LUZP2: variants seen among roughly 807,000 people sequenced by gnomAD.
LUZP2 encodes leucine zipper protein 2.
LUZP2 carries 52 observed loss-of-function variants against 51.6 expected under a neutral mutation model. The observed-to-expected ratio is 1.01, with a 90% CI of 0.81 to 1.27. The LOEUF (loss-of-function observed/expected upper bound fraction) is 1.27, where lower values mean the gene tolerates loss of function less well. Among genes scored for constraint, LUZP2 ranks in the 50% most tolerant of loss-of-function variants. LUZP2 has a pLI of 0.00. For missense variants in LUZP2, 436 were observed against 395.4 expected (o/e 1.10, Z -0.87); for synonymous variants, 154 against 137.3 (o/e 1.12, Z -0.85).
intron 1 of LUZP2, among the ~76,000 whole-genome samples, chr11:24,501,181 A>G (rs1325000553): frequency 6.6e-6 from 1 of 152,146 alleles, no homozygotes. Flanking sequence ...TGTAAATGAG[A>G]TAGAGGTATG....
chr11:25,005,850 G>C (rs147787087), intron 9 of LUZP2, among the ~76,000 whole-genome samples: 1 of 151,978 alleles, frequency 6.6e-6, no homozygotes, highest in East Asian at 1.9e-4. Flanking sequence ...GGCCCTTACC[G>C]ACACATTCTC....
chr11:24,996,522 C>A (rs1159366740), intron 9 of LUZP2, among the ~76,000 whole-genome samples: 1 of 151,732 alleles, frequency 6.6e-6, no homozygotes, highest in African/African-American at 2.4e-5. Context: ...TGTGCAACTT[C>A]TAAGAATTCT....
intron 5 of LUZP2, among the ~76,000 whole-genome samples, chr11:24,813,453 G>C (rs538912364): frequency 1.6e-4 from 25 of 152,278 alleles, no homozygotes; most frequent in Middle Eastern, 3.4e-3. Flanking sequence ...GAAGGCAAAG[G>C]GGGAGCAGGC....
intron 1 of LUZP2, among the ~76,000 whole-genome samples, chr11:24,532,796 A>G (rs1452553668): frequency 6.6e-6 from 1 of 151,080 alleles, no homozygotes; most frequent in Admixed American, 6.6e-5. Flanking sequence ...TCCTAATTAT[A>G]TAAATACTTC....
chr11:25,023,480 G>C (rs35973972), intron 9 of LUZP2, among the ~76,000 whole-genome samples: 71,691 of 151,846 alleles, frequency 0.47, 17,400 homozygotes, highest in Non-Finnish European at 0.51. Flanking sequence ...TGTGGGATCA[G>C]TGTTGATATC....
At chr11:24,971,987 C>T (rs773970242) in intron 7 of LUZP2, among the ~76,000 whole-genome samples, 3 of 151,592 alleles carry the variant, frequency 2.0e-5, no homozygotes, top group Admixed American at 6.6e-5. Flanking sequence ...TAAAACAGAA[C>T]AAAAATTAGC....
chr11:24,501,161 G>T (rs939679776), intron 1 of LUZP2, among the ~76,000 whole-genome samples: 1 of 152,158 alleles, frequency 6.6e-6, no homozygotes, highest in African/African-American at 2.4e-5. Context: ...GATAAAAATT[G>T]TACCTTCCAT....
intron 9 of LUZP2, among the ~76,000 whole-genome samples, chr11:24,997,543 C>A (rs1461949226): frequency 6.6e-6 from 1 of 152,094 alleles, no homozygotes; most frequent in East Asian, 1.9e-4. Flanking sequence ...GAGTAGGTTG[C>A]GAAAATGTTC....
At chr11:24,998,831 T>G (rs1856588767) in intron 9 of LUZP2, among the ~76,000 whole-genome samples, 1 of 152,174 alleles carries the variant, frequency 6.6e-6, no homozygotes, top group African/African-American at 2.4e-5. Flanking sequence ...TGTTTTTGGT[T>G]TCTTTCTCTC....
At chr11:24,966,522 A>C (rs1855585916) in intron 7 of LUZP2, among the ~76,000 whole-genome samples, 3 of 150,268 alleles carry the variant, frequency 2.0e-5, no homozygotes, top group South Asian at 4.2e-4. Context: ...GAGCTTTTAC[A>C]TTTAGGTCAA....
chr11:24,754,217 G>A (rs1249688306), intron 4 of LUZP2, among the ~76,000 whole-genome samples: 2 of 152,080 alleles, frequency 1.3e-5, no homozygotes, highest in Non-Finnish European at 2.9e-5. Flanking sequence ...GACTGGTCTT[G>A]AACTCCTGGC....
chr11:25,019,759 A>G (rs1562266), intron 9 of LUZP2, among the ~76,000 whole-genome samples: 88,449 of 151,472 alleles, frequency 0.58, 27,006 homozygotes, highest in African/African-American at 0.77. Flanking sequence ...CACTATTTAA[A>G]CTGCCGTTAT....
intron 5 of LUZP2, among the ~76,000 whole-genome samples, chr11:24,845,987 TA>T (rs1302433506): frequency 6.6e-6 from 1 of 152,134 alleles, no homozygotes; most frequent in Non-Finnish European, 1.5e-5. Context: ...ATATATTTAT[TA>T]AAAATTTTCA....
intron 5 of LUZP2, among the ~76,000 whole-genome samples, chr11:24,828,258 AC>A (rs1206410428): frequency 6.6e-6 from 1 of 152,152 alleles, no homozygotes; most frequent in Non-Finnish European, 1.5e-5. Context: ...TTAATCTCTC[AC>A]AATGATAGGG....
rs530522851 is a variant in LUZP2, at chr11:24,899,362, C to A, written c.397-6629C>A. Among the ~76,000 whole-genome samples, 3 of 149,966 alleles carry A rather than the reference C, an allele frequency of 2.0e-5. No homozygotes were observed. The East Asian group carries it at 5.9e-4, about 30-fold the overall frequency. ...ACCACTTCCTACATTTGAAGTGGTA[C>A]AATATCAATTCTAAATAGACTTCTA... is the stretch of plus-strand genomic sequence containing the variant. On this transcript the variant is annotated intron_variant, in intron 5 of 11. Coordinates refer to ENST00000336930, the MANE Select transcript of LUZP2 (RefSeq NM_001009909.4).
intron 1 of LUZP2, among the ~76,000 whole-genome samples, chr11:24,671,191 G>T (rs540291629): frequency 1.3e-5 from 2 of 151,860 alleles, no homozygotes; most frequent in South Asian, 2.1e-4. Flanking sequence ...ATTGGTATTT[G>T]CTTACATTAA....
rs528808559 is a variant in LUZP2, at chr11:24,979,136, G to C, written c.597+2471G>C. Among the ~76,000 whole-genome samples the C allele has an allele frequency of 7.2e-5, 11 of 151,820 alleles. No homozygotes were observed. The South Asian group carries it at 2.3e-3, about 31-fold the overall frequency. On this transcript the variant is annotated intron_variant, in intron 8 of 11. Transcript: ENST00000336930. Reference sequence around the variant, plus strand: ...AAATTACACGTAGCCAAAAATTACAGTACTAGGTACAATGCCTGGAAAACA... The same window carrying C: ...AAATTACACGTAGCCAAAAATTACACTACTAGGTACAATGCCTGGAAAACA...
intron 9 of LUZP2, among the ~76,000 whole-genome samples, chr11:25,034,251 C>T (rs1857784002): frequency 6.6e-6 from 1 of 152,030 alleles, no homozygotes; most frequent in Admixed American, 6.6e-5. Context: ...TGTTCATGTC[C>T]TTTTCCCATT....
At chr11:24,551,987 G>A (rs1275721998) in intron 1 of LUZP2, among the ~76,000 whole-genome samples, 1 of 151,798 alleles carries the variant, frequency 6.6e-6, no homozygotes, top group Non-Finnish European at 1.5e-5. Context: ...CCAACTGGCT[G>A]TACACATAAA....
Sources: allele counts gnomAD v4.1 joint callset (sites outside exome capture counted in the v4.1 genomes callset), GRCh38; gene constraint gnomAD v4.1.1; transcripts MANE v1.5; gene names NCBI Gene and HGNC (gene_info 2026-07-23, HGNC 2026-07-21).